GLIS3: variants seen among roughly 807,000 people sequenced by gnomAD.
The protein encoded by GLIS3 is GLIS family zinc finger 3.
In GLIS3, 53 loss-of-function variants were observed where a neutral mutation model predicts 78.6. That is an observed-to-expected ratio of 0.67 (90% CI 0.54 to 0.85). GLIS3 has a LOEUF of 0.85. Ranked by LOEUF, GLIS3 falls within the 40% of genes least tolerant of loss-of-function variation. The pLI, the probability that GLIS3 is intolerant of heterozygous loss-of-function variation, is 0.00. For missense variants in GLIS3, 1,703 were observed against 1,231.1 expected (o/e 1.38, Z -5.74); for synonymous variants, 684 against 509.9 (o/e 1.34, Z -4.60).
At chr9:3,991,995 G>C (rs1820350398) in intron 4 of GLIS3, among the ~76,000 whole-genome samples, 1 of 152,100 alleles carries the variant, frequency 6.6e-6, no homozygotes, top group Non-Finnish European at 1.5e-5. Context: ...CGGCCAGTAG[G>C]CTGAATTTTT....
intron 8 of GLIS3, among the ~76,000 whole-genome samples, chr9:3,861,429 G>C (rs909022651): frequency 6.6e-6 from 1 of 151,920 alleles, no homozygotes; most frequent in Non-Finnish European, 1.5e-5. Context: ...ATTACTTTGG[G>C]TATATAATTC....
intron 6 of GLIS3, among the ~76,000 whole-genome samples, chr9:3,907,222 G>C (rs1563836394): frequency 6.6e-6 from 1 of 152,266 alleles, no homozygotes; most frequent in African/African-American, 2.4e-5. Context: ...CAGTCCACGA[G>C]GGCTAGGCTG....
intron 4 of GLIS3, among the ~76,000 whole-genome samples, chr9:3,960,501 G>C (rs1817476427): frequency 6.6e-6 from 1 of 152,112 alleles, no homozygotes; most frequent in Non-Finnish European, 1.5e-5. Context: ...CTATCCATTA[G>C]AATGCAGTCT....
At chr9:3,912,907 C>G (rs1336174470) in intron 6 of GLIS3, among the ~76,000 whole-genome samples, 1 of 152,216 alleles carries the variant, frequency 6.6e-6, no homozygotes, top group East Asian at 1.9e-4. Context: ...TTTATCACAG[C>G]TTCATAAATT....
the GLIS3 span, among the ~76,000 whole-genome samples, chr9:4,416,665 G>C: frequency 1.3e-5 from 2 of 151,948 alleles, no homozygotes; most frequent in South Asian, 2.1e-4. Context: ...TGGCTGTTTG[G>C]CTGGTGTCAC....
At chr9:3,855,095 A>T (rs1028398240) in intron 9 of GLIS3, among the ~76,000 whole-genome samples, 1 of 152,186 alleles carries the variant, frequency 6.6e-6, no homozygotes, top group Admixed American at 6.5e-5. Flanking sequence ...TACAGATCTG[A>T]TTGCCCTAGG....
chr9:3,999,495 A>G (rs573560988), intron 4 of GLIS3, among the ~76,000 whole-genome samples: 8 of 152,300 alleles, frequency 5.3e-5, no homozygotes, highest in African/African-American at 1.4e-4. Context: ...AAAAGTTACC[A>G]TGTATAAAAC....
At chr9:4,120,565 T>C (rs1460833020) in intron 3 of GLIS3, among the ~76,000 whole-genome samples, 1 of 152,204 alleles carries the variant, frequency 6.6e-6, no homozygotes, top group African/African-American at 2.4e-5. Flanking sequence ...CTCCTGGTGA[T>C]TGGATGTCAA....
chr9:4,133,197 G>C (rs527509194), intron 2 of GLIS3, among the ~76,000 whole-genome samples: 14 of 152,278 alleles, frequency 9.2e-5, no homozygotes, highest in African/African-American at 3.1e-4. Flanking sequence ...AGAATAAGTT[G>C]CAGATTCCAT....
chr9:4,484,272 C>A, the GLIS3 span, among the ~76,000 whole-genome samples: 1 of 146,302 alleles, frequency 6.8e-6, no homozygotes, highest in African/African-American at 2.6e-5. Context: ...GAGTCTCGCT[C>A]TGTCGCCCAG....
At chr9:4,440,326 T>C in the GLIS3 span, among the ~76,000 whole-genome samples, 1 of 152,206 alleles carries the variant, frequency 6.6e-6, no homozygotes, top group Admixed American at 6.5e-5. Context: ...TCATTTGGGG[T>C]CTTAGACTTA....
chr9:3,963,262 G>T (rs1368037698), intron 4 of GLIS3, among the ~76,000 whole-genome samples: 1 of 152,116 alleles, frequency 6.6e-6, no homozygotes, highest in Non-Finnish European at 1.5e-5. Context: ...CCTTTTGCAG[G>T]TTCTGAAATG....
At chr9:4,485,974 G>A in the GLIS3 span, among the ~76,000 whole-genome samples, 4 of 152,052 alleles carry the variant, frequency 2.6e-5, no homozygotes, top group African/African-American at 9.7e-5. Flanking sequence ...CACCCCCCTT[G>A]GCCTCCCAAA....
intron 2 of GLIS3, among the ~76,000 whole-genome samples, chr9:4,177,260 C>A (rs1162555815): frequency 1.3e-5 from 2 of 152,166 alleles, no homozygotes; most frequent in African/African-American, 4.8e-5. Flanking sequence ...CATGACTCTG[C>A]CCATTTATCT....
chr9:3,858,889 T>A (rs1483753506), intron 8 of GLIS3, among the ~76,000 whole-genome samples: 1 of 152,194 alleles, frequency 6.6e-6, no homozygotes, highest in Non-Finnish European at 1.5e-5. Context: ...GCAGATAGAA[T>A]CCATTTTGTT....
At chr9:4,004,194 G>A in intron 4 of GLIS3, among the ~76,000 whole-genome samples, 1 of 152,144 alleles carries the variant, frequency 6.6e-6, no homozygotes, top group East Asian at 1.9e-4. Context: ...GAGGAACAAG[G>A]GAATGAATTA....
At chr9:4,208,825 G>A (rs1820110193) in intron 2 of GLIS3, among the ~76,000 whole-genome samples, 1 of 152,198 alleles carries the variant, frequency 6.6e-6, no homozygotes, top group South Asian at 2.1e-4. Context: ...GGTGACACCA[G>A]TGACCAACAC....
chr9:4,376,149 G>A, the GLIS3 span, among the ~76,000 whole-genome samples: 6 of 152,254 alleles, frequency 3.9e-5, no homozygotes, highest in East Asian at 1.9e-4. Context: ...TTTGGTGTGC[G>A]CTCCTTCAAA....
intron 4 of GLIS3, among the ~76,000 whole-genome samples, chr9:4,003,555 G>T (rs915266415): frequency 9.9e-5 from 15 of 152,164 alleles, no homozygotes; most frequent in Non-Finnish European, 2.9e-5. Context: ...TGAGAATCAG[G>T]TTGACAGTTC....
Sources: gnomAD v4.1 joint callset for allele counts (sites outside exome capture counted in the v4.1 genomes callset) on GRCh38, gnomAD v4.1.1 for gene constraint, MANE v1.5 for transcripts, NCBI Gene and HGNC (gene_info 2026-07-23, HGNC 2026-07-21) for gene names.